Variants in AMN1 observed in about 807,000 individuals in gnomAD.
AMN1 encodes protein AMN1 homolog.
In AMN1, 20 loss-of-function variants were observed where a neutral mutation model predicts 33.0. The observed-to-expected ratio is 0.61, with a 90% CI of 0.43 to 0.88. The LOEUF is 0.88. Among genes scored for constraint, AMN1 ranks in the 40% least tolerant of loss-of-function variants. The pLI is 0.00. For synonymous variants in AMN1, 114 were observed against 111.9 expected (o/e 1.02, Z -0.12); for missense variants, 246 against 307.4 (o/e 0.80, Z 1.49).
In AMN1 at chr12:31,689,047, T is replaced by G; in HGVS notation, c.663A>C (p.Gln221His). Reference protein sequence around the residue: ...AVEAVLTYCPQIRILLFHGCP... With the variant: ...AVEAVLTYCPHIRILLFHGCP... The stretch of plus-strand genomic sequence containing the variant: ...ATCCATGGAAGAGTAATATACGTAT[T>G]TGAGGACAGTAAGTAAGGACAGCTT... Residue 221 changes from glutamine to histidine, a missense_variant, in exon 6 of 7, where the codon CAA becomes CAC. Gln to His is a conservative substitution (Grantham distance 24, BLOSUM62 0). Coordinates refer to ENST00000281471, the MANE Select transcript of AMN1 (RefSeq NM_001113402.2). 6.2e-7 allele frequency: 1 copy of G among 1,613,626 alleles called. No individual in the cohort carries two copies. The highest frequency in any genetic ancestry group is 1.1e-5 in the South Asian group (1 of 91,022).
At chr12:31,682,738 T>C (rs1938079374) in intron 6 of AMN1, among the ~76,000 whole-genome samples, 1 of 152,142 alleles carries the variant, frequency 6.6e-6, no homozygotes, top group Non-Finnish European at 1.5e-5. Context: ...GCTTTTGAGC[T>C]AACAGTCCTG....
At chr12:31,726,573 A>AAC (rs1940079209) in intron 1 of AMN1, among the ~76,000 whole-genome samples, 1 of 152,252 alleles carries the variant, frequency 6.6e-6, no homozygotes, top group Admixed American at 6.5e-5. Flanking sequence ...CAGTGAGGAG[A>AAC]TAAGGAGTTT....
At chr12:31,696,310 C>T (rs75916986) in intron 5 of AMN1, among the ~76,000 whole-genome samples, 2 of 137,504 alleles carry the variant, frequency 1.5e-5, no homozygotes, top group African/African-American at 5.3e-5. Flanking sequence ...TAAGTTCTCA[C>T]TATGTTGCCA....
chr12:31,677,026 C>CG (rs1213037134), intron 6 of AMN1, among the ~76,000 whole-genome samples: 4 of 151,778 alleles, frequency 2.6e-5, no homozygotes. Context: ...TGGCCGGGCG[C>CG]GGCGGCTCAC....
chr12:31,691,338 A>T (rs1938491762), intron 5 of AMN1, among the ~76,000 whole-genome samples: 1 of 152,072 alleles, frequency 6.6e-6, no homozygotes, highest in Admixed American at 6.6e-5. Flanking sequence ...AAACAATGAC[A>T]AAGTAAATCA....
In AMN1 at chr12:31,728,991, C is replaced by G. The variant is rs1191151281; in HGVS notation, c.18G>C (p.Arg6=). The G allele has an allele frequency of 6.5e-7, 1 of 1,546,164 alleles. No homozygotes were observed. The highest frequency in any genetic ancestry group is 1.2e-5 in the South Asian group (1 of 83,834). The change falls in exon 1 of 7, where the codon CGG becomes CGC. Residue 6 remains arginine (R), a synonymous_variant. Coordinates refer to ENST00000281471, the MANE Select transcript of AMN1 (RefSeq NM_001113402.2). The part of the protein sequence containing the change: MPRPR[R]VSQLLDLCLW... ...CTCACAGATCCAGGAGCTGACTGAC[C>G]CGCCGTGGGCGAGGCATCGCTGCAG... is the stretch of plus-strand genomic sequence containing the variant.
intron 5 of AMN1, among the ~76,000 whole-genome samples, chr12:31,692,763 C>A (rs186865123): frequency 3.3e-5 from 5 of 152,194 alleles, no homozygotes; most frequent in African/African-American, 1.2e-4. Context: ...AGTCTGTTCT[C>A]TGATATGCCA....
chr12:31,712,614 T>A (rs893204316), intron 1 of AMN1, among the ~76,000 whole-genome samples: 1 of 152,174 alleles, frequency 6.6e-6, no homozygotes, highest in Non-Finnish European at 1.5e-5. Context: ...ATTTTCTTTA[T>A]TCATTCATCC....
At position 31,672,255 on chromosome 12, in the gene AMN1, A is replaced by G; in HGVS notation, c.*49T>C. On this transcript the variant is annotated 3_prime_UTR_variant, in exon 7 of 7. Coordinates refer to ENST00000281471, the MANE Select transcript of AMN1 (RefSeq NM_001113402.2). Reference sequence around the variant, plus strand: ...AAATCTCTATAGATGGTTTCCTGGGAAAGTAGTTTTGATAAGCTTTCCTAG... The same window carrying G: ...AAATCTCTATAGATGGTTTCCTGGGGAAGTAGTTTTGATAAGCTTTCCTAG... 1 of 1,280,736 alleles carries G rather than the reference A, an allele frequency of 7.8e-7. No individual in the cohort carries two copies. Among genetic ancestry groups the G allele is most frequent in the East Asian group, 2.5e-5 (1 of 39,820 alleles). 79.3% of individuals were successfully genotyped at this position (1,280,736 alleles called of 1,614,324 possible). A position where few individuals can be genotyped will look rare whatever the true frequency, so the allele number is the denominator to read the frequency against.
intron 3 of AMN1, among the ~76,000 whole-genome samples, chr12:31,700,959 G>A (rs1184878978): frequency 6.6e-6 from 1 of 151,914 alleles, no homozygotes; most frequent in Admixed American, 6.6e-5. Flanking sequence ...AAAGTGCTGG[G>A]ATTACAGGCG....
intron 1 of AMN1, among the ~76,000 whole-genome samples, chr12:31,717,408 A>G (rs1939720192): frequency 1.3e-5 from 2 of 152,244 alleles, no homozygotes; most frequent in African/African-American, 4.8e-5. Flanking sequence ...CAATAAACAT[A>G]TGTGTGCAAT....
intron 1 of AMN1, among the ~76,000 whole-genome samples, chr12:31,709,791 T>G (rs188118688): frequency 2.6e-5 from 4 of 152,292 alleles, no homozygotes; most frequent in Admixed American, 2.6e-4. Context: ...ATTGTGCCAC[T>G]ACGCTCCAGC....
chr12:31,725,315 C>G (rs1166139600), intron 1 of AMN1, among the ~76,000 whole-genome samples: 1 of 152,220 alleles, frequency 6.6e-6, no homozygotes, highest in Non-Finnish European at 1.5e-5. Context: ...TCAGGCCCCA[C>G]AGTTGGCACA....
chr12:31,681,646 G>A (rs921357611), intron 6 of AMN1, among the ~76,000 whole-genome samples: 4 of 152,182 alleles, frequency 2.6e-5, no homozygotes, highest in African/African-American at 7.2e-5. Flanking sequence ...GAGAGATGGC[G>A]TGGATGGGAT....
chr12:31,714,856 C>A, intron 1 of AMN1: 5 of 939,246 alleles, frequency 5.3e-6, no homozygotes, highest in Non-Finnish European at 5.1e-6. Context: ...CAAATATAAA[C>A]TAGGAGGATC....
At chr12:31,729,037 G>A (rs774129478), upstream of AMN1, 7 of 1,530,098 alleles carry the variant, frequency 4.6e-6, no homozygotes, top group Non-Finnish European at 6.2e-6. Flanking sequence ...CTCTTCCGCG[G>A]TCCCAGGGCC....
At chr12:31,693,536 A>G (rs763795553) in intron 5 of AMN1, among the ~76,000 whole-genome samples, 7 of 138,174 alleles carry the variant, frequency 5.1e-5, no homozygotes, top group Non-Finnish European at 7.8e-5. Context: ...CAATGTTTGT[A>G]TTTTTCTTTT....
At chr12:31,679,112 A>C (rs1193715500) in intron 6 of AMN1, among the ~76,000 whole-genome samples, 1 of 152,050 alleles carries the variant, frequency 6.6e-6, no homozygotes, top group Non-Finnish European at 1.5e-5. Context: ...AGTTCGAGAC[A>C]GTCTGACCAA....
At chr12:31,677,065 G>A (rs574774687) in intron 6 of AMN1, among the ~76,000 whole-genome samples, 33 of 150,624 alleles carry the variant, frequency 2.2e-4, no homozygotes, top group Admixed American at 1.7e-3. Context: ...TTGGGAGGAC[G>A]AGACGGGCGG....
Sources: allele counts gnomAD v4.1 joint callset (sites outside exome capture counted in the v4.1 genomes callset), GRCh38; gene constraint gnomAD v4.1.1; transcripts MANE v1.5; gene names NCBI Gene and HGNC (gene_info 2026-07-23, HGNC 2026-07-21).